ATG12: variants seen among roughly 807,000 people sequenced by gnomAD.
ATG12 encodes ubiquitin-like protein ATG12.
Under a neutral mutation model 17.6 loss-of-function variants are expected in ATG12, and 19 were observed. The observed-to-expected ratio is 1.08, with a 90% CI of 0.75 to 1.58. The LOEUF (loss-of-function observed/expected upper bound fraction) is 1.58. ATG12 is among the 40% of genes most tolerant of loss of function. The pLI, the probability that ATG12 is intolerant of heterozygous loss-of-function variation, is 0.00. For missense variants in ATG12, 214 were observed against 162.0 expected, an observed-to-expected ratio of 1.32 and a Z score of -1.74; for synonymous variants, 75 against 62.4, an observed-to-expected ratio of 1.20 and a Z score of -0.95.
Position 115,841,490 on chromosome 5 carries a change from T to G in ATG12, c.63A>C (p.Gly21=), listed in dbSNP as rs777293681. 6.2e-7 allele frequency: 1 copy of G among 1,612,116 alleles called. No individual in the cohort carries two copies. Among genetic ancestry groups the G allele is most frequent in the Admixed American group, 1.7e-5 (1 of 59,316 alleles). The change falls in exon 1 of 4, where the codon GGA becomes GGC. Residue 21 remains glycine, a synonymous_variant. Coordinates refer to ENST00000509910, the MANE Select transcript of ATG12 (RefSeq NM_004707.4). ...TTGTTTCTGGGGAGACATCCGTAAG[T>G]CCTTCCCCTCCAGCAGCAATTGAAG... ...LPTSIAAGGE[G]LTDVSPETTT...
intron 2 of ATG12, among the ~76,000 whole-genome samples, chr5:115,835,668 G>A (rs1178568799): frequency 6.6e-6 from 1 of 152,066 alleles, no homozygotes; most frequent in Admixed American, 6.5e-5. Flanking sequence ...TACAGAAGAG[G>A]GCAAAACTCC....
chr5:115,841,017 A>C (rs900453012), intron 1 of ATG12: 1 of 567,138 alleles, frequency 1.8e-6, no homozygotes, highest in African/African-American at 2.0e-5. Flanking sequence ...CACCCCTACC[A>C]CCATAAAACA....
At chr5:115,835,085 A>T (rs1490306509) in intron 2 of ATG12, 2 of 151,772 alleles carry the variant, frequency 1.3e-5, no homozygotes, top group Admixed American at 6.6e-5. Flanking sequence ...TTCTGAAATA[A>T]TTTTCTTTTA....
At position 115,831,735 on chromosome 5, in the gene ATG12, A is replaced by G. The variant is rs1231562977; in HGVS notation, c.*69T>C. 2.0e-6 allele frequency: 3 copies of G among 1,496,742 alleles called. No homozygotes were observed. The East Asian group carries it at 7.0e-5, about 35-fold the overall frequency. The allele number at this position is 1,496,742 out of a possible 1,614,324, so 92.7% of individuals were successfully genotyped here. Reference sequence around the variant, plus strand: ...GTTAAGTCTCTTGCCACAAGCATCAAAACTTTTCAGAGCTGTCTCTTCCGT... The same window carrying G: ...GTTAAGTCTCTTGCCACAAGCATCAGAACTTTTCAGAGCTGTCTCTTCCGT... On this transcript the variant is annotated 3_prime_UTR_variant, in exon 4 of 4. Coordinates refer to ENST00000509910, the MANE Select transcript of ATG12 (RefSeq NM_004707.4).
At chr5:115,832,793 C>T in intron 2 of ATG12, 129 bp from the exon 3 acceptor site, 1 of 860,916 alleles carries the variant, frequency 1.2e-6, no homozygotes, top group Admixed American at 3.1e-5. Flanking sequence ...GAACTCCTAA[C>T]TTTTCTAAAT....
At position 115,837,648 on chromosome 5, in the gene ATG12, G is replaced by C. The variant is rs769621343; in HGVS notation, c.280C>G (p.Leu94Val). The C allele has an allele frequency of 1.5e-5, 24 of 1,611,302 alleles. No individual in the cohort carries two copies. The Admixed American group carries it at 4.0e-4, about 27-fold the overall frequency. ...CATACCAACTGTTCTGAGGCCACAA[G>C]TTTAAGAAACTTTTTGATGAAGTCA... ...LIDFIKKFLK[L>V]VASEQLFIYV... Residue 94 changes from leucine (L) to valine (V), a missense_variant, in exon 2 of 4, where the codon CTT (leucine) becomes GTT (valine). Physicochemically the swap from Leu to Val is conservative, Grantham distance 32. Coordinates refer to ENST00000509910, the MANE Select transcript of ATG12 (RefSeq NM_004707.4).
chr5:115,837,861 T>A lies in ATG12; in HGVS notation c.164-97A>T, dbSNP rs377508986. 122 of 1,002,152 alleles carry A rather than the reference T, an allele frequency of 1.2e-4. No individual in the cohort carries two copies. The African/African-American group carries it at 1.8e-3, about 15-fold the overall frequency. 62.1% of individuals were successfully genotyped at this position (1,002,152 alleles called of 1,614,324 possible). ...AGAAATCAGAAATATTTAATCTACATCCATCTTACGTATTTATGATACTGA... is the reference window on the plus strand; with the variant it reads ...AGAAATCAGAAATATTTAATCTACAACCATCTTACGTATTTATGATACTGA... On this transcript the variant is annotated intron_variant, in intron 1 of 3. Coordinates refer to ENST00000509910, the MANE Select transcript of ATG12 (RefSeq NM_004707.4).
At chr5:115,840,935 C>T (rs893201997) in intron 1 of ATG12, 33 of 1,269,052 alleles carry the variant, frequency 2.6e-5, no homozygotes, top group Non-Finnish European at 3.3e-5. Context: ...TCACAACCAA[C>T]TGGGAGGGGG....
rs1419316251 is a variant in ATG12 at position 115,829,606 on chromosome 5, C to G, written c.*2198G>C. 6.6e-6 allele frequency: 1 copy of G among 152,110 alleles called. No individual in the cohort carries two copies. Among genetic ancestry groups the G allele is most frequent in the Non-Finnish European group, 1.5e-5 (1 of 68,012 alleles). 9.4% of individuals were successfully genotyped at this position (152,110 alleles called of 1,614,324 possible). ...GATATTAATGACATCTATTTAGTCA[C>G]AAAGAAAATTTAAAATATCACCTGA... On this transcript the variant is annotated 3_prime_UTR_variant, in exon 4 of 4. Coordinates refer to ENST00000509910, the MANE Select transcript of ATG12 (RefSeq NM_004707.4).
chr5:115,840,219 T>C (rs26535), intron 1 of ATG12, among the ~76,000 whole-genome samples: 1 of 151,602 alleles, frequency 6.6e-6, no homozygotes, highest in Admixed American at 6.6e-5. Flanking sequence ...TGATTTAAAG[T>C]GGGAAGGGGG....
chr5:115,835,519 TCATGTCCCTACC>T (rs1317853477), intron 2 of ATG12, among the ~76,000 whole-genome samples: 1 of 152,108 alleles, frequency 6.6e-6, no homozygotes, highest in Non-Finnish European at 1.5e-5. Flanking sequence ...CCTTCCTTTC[TCATGTCCCTACC>T]CTTTTCAATT....
chr5:115,837,407 CAGG>C (rs752257892), intron 2 of ATG12, among the ~76,000 whole-genome samples: 3 of 151,578 alleles, frequency 2.0e-5, no homozygotes, highest in Admixed American at 1.3e-4. Flanking sequence ...TCGCTTGAAC[CAGG>C]AGGAGAAGGT....
chr5:115,832,859 A>T, intron 2 of ATG12, 195 bp from the exon 3 acceptor site: 1 of 464,326 alleles, frequency 2.2e-6, no homozygotes, highest in Non-Finnish European at 3.8e-6. Context: ...AGGAATAAAA[A>T]TAACACAATT....
intron 2 of ATG12, among the ~76,000 whole-genome samples, chr5:115,837,204 A>C (rs1761139997): frequency 6.6e-6 from 1 of 152,204 alleles, no homozygotes; most frequent in Non-Finnish European, 1.5e-5. Flanking sequence ...TTCATTTCAG[A>C]ATTCCCCAGA....
In ATG12 at chr5:115,831,754, C is replaced by G; in HGVS notation, c.*50G>C. On this transcript the variant is annotated 3_prime_UTR_variant, in exon 4 of 4. Coordinates refer to ENST00000509910, the MANE Select transcript of ATG12 (RefSeq NM_004707.4). ...GCATCAAAACTTTTCAGAGCTGTCT[C>G]TTCCGTGAAAATCCATTTCATGTAG... 1 of 1,576,398 alleles carries G rather than the reference C, an allele frequency of 6.3e-7. No homozygotes were observed.
intron 2 of ATG12, among the ~76,000 whole-genome samples, chr5:115,836,316 G>A (rs1214716453): frequency 6.6e-6 from 1 of 152,108 alleles, no homozygotes; most frequent in African/African-American, 2.4e-5. Context: ...TCTTAACACA[G>A]AACACAGTAT....
intron 1 of ATG12, chr5:115,840,979 G>C (rs1309348933): frequency 1.1e-6 from 1 of 947,810 alleles, no homozygotes; most frequent in South Asian, 1.4e-5. Context: ...TGGAAGGCAT[G>C]AATTCTAATC....
intron 2 of ATG12, among the ~76,000 whole-genome samples, chr5:115,836,790 A>G (rs1434567423): frequency 6.6e-6 from 1 of 152,224 alleles, no homozygotes; most frequent in Non-Finnish European, 1.5e-5. Flanking sequence ...TTATGTATAT[A>G]TAAAAAACAC....
chr5:115,841,186 T>C (rs936661639), intron 1 of ATG12: 2 of 605,396 alleles, frequency 3.3e-6, no homozygotes, highest in Non-Finnish European at 5.5e-6. Flanking sequence ...TATCAGGCCC[T>C]ACACCGATAG....
Sources: allele counts gnomAD v4.1 joint callset (sites outside exome capture counted in the v4.1 genomes callset), GRCh38; gene constraint gnomAD v4.1.1; transcripts MANE v1.5; gene names NCBI Gene and HGNC (gene_info 2026-07-23, HGNC 2026-07-21).